The following GEN1 variants were observed in gnomAD, a reference collection of about 807,000 sequenced individuals.
GEN1 encodes the protein flap endonuclease GEN homolog 1.
GEN1 carries 64 observed loss-of-function variants against 67.6 expected under a neutral mutation model. That is an observed-to-expected ratio of 0.95 (90% confidence interval 0.77 to 1.17). GEN1 has a LOEUF of 1.17. Ranked by LOEUF, GEN1 falls within the 50% of genes most tolerant of loss-of-function variation. The pLI, the probability that GEN1 is intolerant of heterozygous loss-of-function variation, is 0.00. For synonymous variants in GEN1, 371 were observed against 359.4 expected, an observed-to-expected ratio of 1.03 and a Z score of -0.37; for missense variants, 1,058 against 1,048.3, an observed-to-expected ratio of 1.01 and a Z score of -0.13.
Position 17,786,824 on chromosome 2 carries a change from C to G in GEN1, c.*4885C>G, listed in dbSNP as rs1673074885. The G allele has an allele frequency of 6.6e-6, 1 of 152,030 alleles. No individual in the cohort carries two copies. Among genetic ancestry groups the G allele is most frequent in the African/African-American group, 2.4e-5 (1 of 41,368 alleles). 9.4% of individuals were successfully genotyped at this position (152,030 alleles called of 1,614,324 possible). A position where few individuals can be genotyped will look rare whatever the true frequency, so the allele number is the denominator to read the frequency against. ...CTAAGTCCTTTCTGTTCACAGAATT[C>G]TAGAACAGTGTTTGACACAGTAACT... is the stretch of plus-strand genomic sequence containing the variant. On this transcript the variant is annotated 3_prime_UTR_variant, in exon 14 of 14. Transcript: ENST00000381254.
At chr2:17,771,056 C>T (rs1290477219) in intron 6 of GEN1, 140 bp from the exon 7 acceptor site, 1 of 690,850 alleles carries the variant, frequency 1.4e-6, no homozygotes, top group Non-Finnish European at 2.6e-6. Flanking sequence ...TTTTCCCACA[C>T]TAGGCCAGCA....
rs1259996340 is a variant in GEN1, at chr2:17,771,271, C to T, written c.786C>T (p.Ser262=). The change falls in exon 7 of 14, where the codon TCC becomes TCT. Residue 262 remains serine (S), a synonymous_variant. Transcript: ENST00000381254. ...TCACTAAAAAACTGGCTCATTGTTC[C>T]GTATGTTCCCATCCAGGTAAGGAGA... ...LLVTKKLAHC[S]VCSHPGSPKD... 1.3e-5 allele frequency: 20 copies of T among 1,599,512 alleles called. No homozygotes were observed. Among genetic ancestry groups the T allele is most frequent in the East Asian group, 4.5e-5 (2 of 44,766 alleles).
At chr2:17,776,234 A>T (rs1186887989) in intron 11 of GEN1, among the ~76,000 whole-genome samples, 1 of 152,196 alleles carries the variant, frequency 6.6e-6, no homozygotes, top group African/African-American at 2.4e-5. Flanking sequence ...TCAAAAATAA[A>T]AAATATCTAG....
At chr2:17,762,271 G>A (rs1296706080) in intron 3 of GEN1, among the ~76,000 whole-genome samples, 9 of 144,124 alleles carry the variant, frequency 6.2e-5, no homozygotes, top group Non-Finnish European at 9.0e-5. Flanking sequence ...GCGCAATCTC[G>A]GCTCACTGCA....
At position 17,781,277 on chromosome 2, in the gene GEN1, C is replaced by G. The variant is rs773253388; in HGVS notation, c.2065C>G (p.Leu689Val). Residue 689 changes from leucine (L) to valine (V), a missense_variant, in exon 14 of 14, where the codon CTA (leucine) becomes GTA (valine). Transcript: ENST00000381254. ...AAAATTATCATATCCTCAGGATAAT[C>G]TACAACCAGATGTCAACCTGAAAAC... ...FTKLSYPQDN[L>V]QPDVNLKTLS... 19 of 1,613,442 alleles carry G rather than the reference C, an allele frequency of 1.2e-5. No individual in the cohort carries two copies. The highest frequency in any genetic ancestry group is 1.5e-5 in the Non-Finnish European group (18 of 1,179,554).
Position 17,786,299 on chromosome 2 carries a change from A to G in GEN1, c.*4360A>G, listed in dbSNP as rs1417958763. ...ATGCAGCCAAGCACTGCCTTTTGGTAAAAATGTGGACACAGTAACACTAGT... is the reference window on the plus strand; with the variant it reads ...ATGCAGCCAAGCACTGCCTTTTGGTGAAAATGTGGACACAGTAACACTAGT... On this transcript the variant is annotated 3_prime_UTR_variant, in exon 14 of 14. Transcript: ENST00000381254. 1 of 152,202 alleles carries G rather than the reference A, an allele frequency of 6.6e-6. No homozygotes were observed. Among genetic ancestry groups the G allele is most frequent in the African/African-American group, 2.4e-5 (1 of 41,454 alleles). 9.4% of individuals were successfully genotyped at this position (152,202 alleles called of 1,614,324 possible). A position where few individuals can be genotyped will look rare whatever the true frequency, so the allele number is the denominator to read the frequency against.
chr2:17,764,729 T>C (rs1671841799), intron 3 of GEN1, among the ~76,000 whole-genome samples, 168 bp from the exon 4 acceptor site: 1 of 152,236 alleles, frequency 6.6e-6, no homozygotes, highest in African/African-American at 2.4e-5. Context: ...CTTAAAGCCC[T>C]CAAATATTCA....
intron 7 of GEN1, among the ~76,000 whole-genome samples, chr2:17,771,750 C>T (rs1391472695): frequency 3.3e-5 from 5 of 149,348 alleles, no homozygotes; most frequent in Non-Finnish European, 5.9e-5. Context: ...GTTCACTATT[C>T]TTGAAAATAG....
rs1260221993 is a variant in GEN1 at position 17,786,563 on chromosome 2, T to C, written c.*4624T>C. Reference sequence around the variant, plus strand: ...AGCTGGAGGCCCAGTGAGTTTAAAATTTTTCCAGGTCACCCAACTAGAAAA... The same window carrying C: ...AGCTGGAGGCCCAGTGAGTTTAAAACTTTTCCAGGTCACCCAACTAGAAAA... On this transcript the variant is annotated 3_prime_UTR_variant, in exon 14 of 14. Transcript: ENST00000381254. 6.6e-6 allele frequency: 1 copy of C among 152,146 alleles called. No individual in the cohort carries two copies. Among genetic ancestry groups the C allele is most frequent in the Non-Finnish European group, 1.5e-5 (1 of 68,026 alleles). The allele number at this position is 152,146 out of a possible 1,614,324, so 9.4% of individuals were successfully genotyped here.
chr2:17,781,926 T>A lies in GEN1; in HGVS notation c.2714T>A (p.Phe905Tyr). The change falls in exon 14 of 14, where the codon TTC becomes TAC. Residue 905 changes from phenylalanine to tyrosine, a missense_variant. Physicochemically the swap from Phe to Tyr is conservative, Grantham distance 22. Coordinates refer to ENST00000381254, the MANE Select transcript of GEN1 (RefSeq NM_001130009.3). ...LPLRQRLKLR[F>Y]QST ...TTACGCCAGAGATTAAAACTAAGAT[T>A]CCAAAGCACTTGAAATTTAAAACAC... 1 of 1,542,630 alleles carries A rather than the reference T, an allele frequency of 6.5e-7. No homozygotes were observed. Among genetic ancestry groups the A allele is most frequent in the Non-Finnish European group, 8.7e-7 (1 of 1,146,960 alleles).
rs569391273 is a variant in GEN1, at chr2:17,771,839, A to C, written c.802+552A>C. On this transcript the variant is annotated intron_variant, in intron 7 of 13. Coordinates refer to ENST00000381254, the MANE Select transcript of GEN1 (RefSeq NM_001130009.3). ...ACGTACTGGATCAGAAAGGCCTTTC[A>C]TTCCCAAAAGAGATTAGGATATCAT... 3.3e-5 allele frequency among the ~76,000 whole-genome samples: 5 copies of C among 151,392 alleles called. No individual in the cohort carries two copies. The South Asian group carries it at 1.0e-3, about 32-fold the overall frequency.
intron 6 of GEN1, among the ~76,000 whole-genome samples, chr2:17,769,353 C>T (rs983418535): frequency 6.6e-6 from 1 of 151,974 alleles, no homozygotes; most frequent in Non-Finnish European, 1.5e-5. Context: ...GTTAGGATTA[C>T]AGGCATGAGC....
intron 1 of GEN1, among the ~76,000 whole-genome samples, chr2:17,757,246 CTTT>C (rs74754657): frequency 1.6e-5 from 2 of 127,686 alleles, no homozygotes; most frequent in Non-Finnish European, 1.7e-5. Flanking sequence ...CAGTGCTGGA[CTTT>C]TTTTTTTTTT....
Position 17,760,763 on chromosome 2 carries a change from T to TA in GEN1, c.162-624dup, listed in dbSNP as rs1394682401. 1.6e-4 allele frequency among the ~76,000 whole-genome samples: 24 copies of TA among 150,338 alleles called. No individual in the cohort carries two copies. In the East Asian group the frequency reaches 3.3e-3, roughly 21 times the overall value. ...GGAGAAACCCCATCTCTACTAAAAA[T>TA]AAAAAAAAATTAGCTGGGTGTGGTG... On this transcript the variant is annotated intron_variant, in intron 2 of 13. Transcript: ENST00000381254.
chr2:17,756,356 G>A (rs1000085748), intron 1 of GEN1, among the ~76,000 whole-genome samples: 10 of 152,204 alleles, frequency 6.6e-5, no homozygotes, highest in African/African-American at 2.4e-4. Context: ...ATTGATTCAT[G>A]TAAGTAGACT....
rs1468386770 is a variant in GEN1, at chr2:17,781,833, C to A, written c.2621C>A (p.Ser874Tyr). ...ESCFPDSTKS[S>Y]LSSLQCHKKE... ...TGTTTCCCAGATTCAACAAAAAGTT[C>A]TCTGAGTTCTCTACAATGTCATAAG... is the stretch of plus-strand genomic sequence containing the variant. The change falls in exon 14 of 14, where the codon TCT becomes TAT. Residue 874 changes from serine to tyrosine, a missense_variant. Transcript: ENST00000381254. The A allele has an allele frequency of 2.5e-6, 4 of 1,612,050 alleles. No homozygotes were observed. Among genetic ancestry groups the A allele is most frequent in the Non-Finnish European group, 1.7e-6 (2 of 1,179,054 alleles).
At chr2:17,761,985 C>G (rs910220796) in intron 3 of GEN1, among the ~76,000 whole-genome samples, 1 of 152,142 alleles carries the variant, frequency 6.6e-6, no homozygotes, top group Non-Finnish European at 1.5e-5. Context: ...TCGTACTTCA[C>G]TCATTCAGAA....
intron 5 of GEN1, among the ~76,000 whole-genome samples, chr2:17,767,599 A>G (rs1671990240): frequency 6.6e-6 from 1 of 152,216 alleles, no homozygotes; most frequent in South Asian, 2.1e-4. Flanking sequence ...CTCCTTCTAA[A>G]GTAAAAGACG....
chr2:17,778,417 TGTGTACATATATGTATATAC>T (rs1672651903), intron 12 of GEN1, among the ~76,000 whole-genome samples: 1 of 39,426 alleles, frequency 2.5e-5, no homozygotes, highest in Non-Finnish European at 6.6e-5. Flanking sequence ...CACATATATG[TGTGTACATATATGTATATAC>T]ACACACATAT....
Sources: gnomAD v4.1 joint callset for allele counts (sites outside exome capture counted in the v4.1 genomes callset) on GRCh38, gnomAD v4.1.1 for gene constraint, MANE v1.5 for transcripts, NCBI Gene and HGNC (gene_info 2026-07-23, HGNC 2026-07-21) for gene names.